FSTL4: variants seen among roughly 807,000 people sequenced by gnomAD.
FSTL4 encodes follistatin-related protein 4.
In FSTL4, 28 loss-of-function variants were observed where a neutral mutation model predicts 78.2. That is an observed-to-expected ratio of 0.36 (90% CI 0.27 to 0.49). The LOEUF (loss-of-function observed/expected upper bound fraction) is 0.49, where lower values mean the gene tolerates loss of function less well. Ranked by LOEUF, FSTL4 falls within the 20% of genes least tolerant of loss-of-function variation. The probability of loss-of-function intolerance (pLI) is 0.98; values close to 1 mark genes in which losing one functional copy is unlikely to be tolerated. For synonymous variants in FSTL4, 422 were observed against 440.5 expected, an observed-to-expected ratio of 0.96 and a Z score of 0.53; for missense variants, 922 against 1,084.9, an observed-to-expected ratio of 0.85 and a Z score of 2.11.
At chr5:133,343,931 T>C (rs1442531789) in intron 4 of FSTL4, among the ~76,000 whole-genome samples, 1 of 152,280 alleles carries the variant, frequency 6.6e-6, no homozygotes, top group Non-Finnish European at 1.5e-5. Flanking sequence ...ACTGCTTTAA[T>C]CATTTCTATG....
chr5:133,795,017 C>T, the FSTL4 span, among the ~76,000 whole-genome samples: 1 of 152,200 alleles, frequency 6.6e-6, no homozygotes, highest in Non-Finnish European at 1.5e-5. Flanking sequence ...GTTTTCATAA[C>T]CAGAAGAATT....
intron 4 of FSTL4, among the ~76,000 whole-genome samples, chr5:133,349,333 G>GTA (rs1754772612): frequency 6.6e-6 from 1 of 151,076 alleles, no homozygotes; most frequent in South Asian, 2.1e-4. Flanking sequence ...GTGTGTGTGT[G>GTA]TGTTTCTCCA....
At chr5:133,348,201 G>A (rs1754738327) in intron 4 of FSTL4, among the ~76,000 whole-genome samples, 1 of 152,210 alleles carries the variant, frequency 6.6e-6, no homozygotes, top group African/African-American at 2.4e-5. Flanking sequence ...TTCTGAAAAT[G>A]AAGGCTTTTG....
intron 6 of FSTL4, among the ~76,000 whole-genome samples, chr5:133,307,120 G>T (rs1478459473): frequency 6.6e-6 from 1 of 152,206 alleles, no homozygotes; most frequent in Non-Finnish European, 1.5e-5. Flanking sequence ...AAGTCACACA[G>T]TTAGTCAGTC....
chr5:133,571,583 A>G (rs1052306041), intron 2 of FSTL4, among the ~76,000 whole-genome samples: 6 of 152,220 alleles, frequency 3.9e-5, no homozygotes, highest in African/African-American at 1.4e-4. Context: ...AAAAGACTAC[A>G]CATTGGGTAC....
At chr5:133,699,385 G>T in the FSTL4 span, among the ~76,000 whole-genome samples, 1 of 151,922 alleles carries the variant, frequency 6.6e-6, no homozygotes, top group Non-Finnish European at 1.5e-5. Context: ...AAACCACCCC[G>T]AGGAAACTCC....
At chr5:133,334,023 GA>G (rs1272760328) in intron 4 of FSTL4, 4 of 152,310 alleles carry the variant, frequency 2.6e-5, no homozygotes, top group African/African-American at 9.6e-5. Context: ...AGAGCAGGAG[GA>G]AGCCTGAGTG....
intron 3 of FSTL4, among the ~76,000 whole-genome samples, chr5:133,547,573 A>G (rs1289143688): frequency 6.6e-6 from 1 of 152,184 alleles, no homozygotes; most frequent in African/African-American, 2.4e-5. Flanking sequence ...AAGAGGGATT[A>G]ACACTGCTCT....
At chr5:133,724,283 C>T in the FSTL4 span, among the ~76,000 whole-genome samples, 1 of 152,102 alleles carries the variant, frequency 6.6e-6, no homozygotes, top group Non-Finnish European at 1.5e-5. Context: ...TTATCTTTTC[C>T]CTGCAGAAAG....
intron 4 of FSTL4, among the ~76,000 whole-genome samples, chr5:133,389,880 G>T (rs1159924458): frequency 6.6e-6 from 1 of 152,242 alleles, no homozygotes; most frequent in East Asian, 1.9e-4. Flanking sequence ...CTGAGAAACA[G>T]AGACAAAGAT....
At chr5:133,528,754 A>T (rs569991903) in intron 3 of FSTL4, among the ~76,000 whole-genome samples, 1 of 152,338 alleles carries the variant, frequency 6.6e-6, no homozygotes, top group East Asian at 1.9e-4. Flanking sequence ...CTTGATATCC[A>T]TTATAGTGCA....
Position 133,426,206 on chromosome 5 carries a change from GAC to G in FSTL4, c.161-25222_161-25221del, listed in dbSNP as rs1157065423. On this transcript the variant is annotated intron_variant, in intron 3 of 15. Coordinates refer to ENST00000265342, the MANE Select transcript of FSTL4 (RefSeq NM_015082.2). The surrounding 1 kb of genome is among the most constrained non-coding windows in gnomAD (Gnocchi z 5.0). ...TAAAGCACAGAGTGTGCTAGCAGAAGACAGAGTGTTGTCCTTCAAGCCTGACC... is the reference window on the plus strand; with the variant it reads ...TAAAGCACAGAGTGTGCTAGCAGAAGAGAGTGTTGTCCTTCAAGCCTGACC... Among the ~76,000 whole-genome samples, 1 of 152,196 alleles carries G rather than the reference GAC, an allele frequency of 6.6e-6. No homozygotes were observed. Among genetic ancestry groups the G allele is most frequent in the Non-Finnish European group, 1.5e-5 (1 of 68,038 alleles).
At chr5:133,797,998 A>G in the FSTL4 span, among the ~76,000 whole-genome samples, 1 of 151,962 alleles carries the variant, frequency 6.6e-6, no homozygotes, top group Non-Finnish European at 1.5e-5. Context: ...CACACACACC[A>G]TTGTGCAAGG....
chr5:133,259,487 A>C (rs924838497), intron 6 of FSTL4, among the ~76,000 whole-genome samples: 10 of 150,004 alleles, frequency 6.7e-5, no homozygotes, highest in African/African-American at 2.5e-4. Flanking sequence ...TAATTTAAGG[A>C]GATGAAAAGT....
At chr5:133,438,518 A>G (rs562512990) in intron 3 of FSTL4, among the ~76,000 whole-genome samples, 1 of 152,252 alleles carries the variant, frequency 6.6e-6, no homozygotes, top group African/African-American at 2.4e-5. Flanking sequence ...ACACATGTAC[A>G]TGTCGTTAAG....
the FSTL4 span, among the ~76,000 whole-genome samples, chr5:133,791,278 GCACACACACACA>G: frequency 6.7e-6 from 1 of 148,716 alleles, no homozygotes; most frequent in Non-Finnish European, 1.5e-5. Flanking sequence ...ACATGTGCGT[GCACACACACACA>G]CACACACACA....
intron 3 of FSTL4, among the ~76,000 whole-genome samples, chr5:133,561,143 C>A (rs1385529361): frequency 1.4e-5 from 2 of 144,390 alleles, no homozygotes; most frequent in Non-Finnish European, 3.0e-5. Flanking sequence ...AATAATAATT[C>A]TTCATGGAAA....
chr5:133,829,434 T>C, the FSTL4 span, among the ~76,000 whole-genome samples: 1 of 152,140 alleles, frequency 6.6e-6, no homozygotes, highest in Non-Finnish European at 1.5e-5. Context: ...TGGTTGTTTG[T>C]GGAACCAAAA....
the FSTL4 span, among the ~76,000 whole-genome samples, chr5:133,679,224 C>T: frequency 0.15 from 23,302 of 152,096 alleles, 4,628 homozygotes; most frequent in African/African-American, 0.47. Flanking sequence ...CACAAGCACC[C>T]TCTGCCTAGC....
Sources: allele counts gnomAD v4.1 joint callset (sites outside exome capture counted in the v4.1 genomes callset), GRCh38; gene constraint gnomAD v4.1.1; non-coding constraint Gnocchi (gnomAD v3.1); transcripts MANE v1.5; gene names NCBI Gene and HGNC (gene_info 2026-07-23, HGNC 2026-07-21).